LDLRAD4: variants seen among roughly 807,000 people sequenced by gnomAD.
The protein encoded by LDLRAD4 is low-density lipoprotein receptor class A domain-containing protein 4.
In LDLRAD4, 5 loss-of-function variants were observed where a neutral mutation model predicts 17.0. The ratio of observed to expected loss-of-function variants is 0.29; its 90% CI spans 0.15 to 0.62. The LOEUF (loss-of-function observed/expected upper bound fraction) is 0.62. Among genes scored for constraint, LDLRAD4 ranks in the 20% least tolerant of loss-of-function variants. LDLRAD4 has a pLI of 0.84. For missense variants in LDLRAD4, 340 were observed against 424.7 expected (o/e 0.80, Z 1.75); for synonymous variants, 168 against 171.8 (o/e 0.98, Z 0.17).
At chr18:13,462,755 C>T (rs2092475017) in intron 3 of LDLRAD4, among the ~76,000 whole-genome samples, 1 of 152,174 alleles carries the variant, frequency 6.6e-6, no homozygotes, top group South Asian at 2.1e-4. Context: ...GGAGCAGGGA[C>T]AGCAAGGATG....
At chr18:13,406,085 A>T (rs973591366) in intron 2 of LDLRAD4, among the ~76,000 whole-genome samples, 3 of 152,234 alleles carry the variant, frequency 2.0e-5, no homozygotes, top group African/African-American at 4.8e-5. Flanking sequence ...TTACTCTGTC[A>T]TCTAACAGTG....
intron 3 of LDLRAD4, among the ~76,000 whole-genome samples, chr18:13,531,444 T>A (rs2094124657): frequency 2.2e-5 from 3 of 138,032 alleles, no homozygotes; most frequent in Non-Finnish European, 1.6e-5. Context: ...ACCCCATATC[T>A]AAAAAAAAAA....
chr18:13,437,459 ATG>A (rs1253573833), intron 2 of LDLRAD4, among the ~76,000 whole-genome samples: 3 of 152,234 alleles, frequency 2.0e-5, no homozygotes, highest in African/African-American at 7.2e-5. Flanking sequence ...ATGGATAGTA[ATG>A]TGTTAAGTGT....
At chr18:13,569,331 A>G (rs1237733210) in intron 3 of LDLRAD4, among the ~76,000 whole-genome samples, 1 of 152,200 alleles carries the variant, frequency 6.6e-6, no homozygotes, top group East Asian at 1.9e-4. Flanking sequence ...CTATCTGGGG[A>G]ATAAAACACT....
Position 13,231,266 on chromosome 18 carries a change from A to G in LDLRAD4, c.-467+12278A>G, listed in dbSNP as rs147121417. Among the ~76,000 whole-genome samples, 475 of 152,304 alleles carry G rather than the reference A, an allele frequency of 3.1e-3. 4 individuals are homozygous for G. The highest frequency in any genetic ancestry group is 0.011 in the African/African-American group (459 of 41,558). ...CTGGACCGGTTTTGCTTGAGAAGAA[A>G]TGGCAGTGGACACATGGCTCGTGTG... On this transcript the variant is annotated intron_variant, in intron 1 of 5. Coordinates refer to the LDLRAD4 transcript ENST00000399848.
chr18:13,397,748 CG>C (rs2086817122), intron 2 of LDLRAD4, among the ~76,000 whole-genome samples: 1 of 152,248 alleles, frequency 6.6e-6, no homozygotes, highest in South Asian at 2.1e-4. Flanking sequence ...GGTGCTACCA[CG>C]GCGCAGCACT....
chr18:13,224,705 C>A (rs1489478234), intron 1 of LDLRAD4, among the ~76,000 whole-genome samples: 4 of 151,764 alleles, frequency 2.6e-5, no homozygotes, highest in Non-Finnish European at 4.4e-5. Flanking sequence ...TGGTCTTGAT[C>A]TCCTGACCTC....
intron 5 of LDLRAD4, chr18:13,644,843 C>G: frequency 2.4e-6 from 1 of 419,894 alleles, no homozygotes; most frequent in Non-Finnish European, 4.2e-6. Flanking sequence ...GTAGCACGCA[C>G]AGAAACTCCC....
chr18:13,390,785 G>A (rs2145296432), intron 2 of LDLRAD4, among the ~76,000 whole-genome samples: 1 of 152,368 alleles, frequency 6.6e-6, no homozygotes. Context: ...CACCTGCAGG[G>A]TGGCAGTTTT....
chr18:13,343,347 C>G (rs2144125552), intron 1 of LDLRAD4, among the ~76,000 whole-genome samples: 1 of 150,854 alleles, frequency 6.6e-6, no homozygotes, highest in African/African-American at 2.4e-5. Context: ...GTTTTTTGGC[C>G]TTGCAATAGT....
chr18:13,437,242 G>A (rs768633664), intron 2 of LDLRAD4, among the ~76,000 whole-genome samples: 17 of 152,178 alleles, frequency 1.1e-4, no homozygotes, highest in Non-Finnish European at 2.2e-4. Flanking sequence ...AGTCAGTGGC[G>A]GTGAGGAACC....
intron 2 of LDLRAD4, among the ~76,000 whole-genome samples, chr18:13,392,652 T>A (rs1328662639): frequency 6.6e-6 from 1 of 152,242 alleles, no homozygotes; most frequent in Non-Finnish European, 1.5e-5. Flanking sequence ...AAGAGGTTGC[T>A]GGCTTGAGAT....
chr18:13,587,226 T>A (rs755201574), intron 3 of LDLRAD4, among the ~76,000 whole-genome samples: 1 of 152,176 alleles, frequency 6.6e-6, no homozygotes, highest in Non-Finnish European at 1.5e-5. Flanking sequence ...TCTAACAGGT[T>A]CCCAGGTGAT....
At chr18:13,321,861 CAA>C (rs57033432) in intron 1 of LDLRAD4, among the ~76,000 whole-genome samples, 1 of 62,138 alleles carries the variant, frequency 1.6e-5, no homozygotes. Flanking sequence ...GACTCCGTCT[CAA>C]AAAAAAAAAA....
intron 3 of LDLRAD4, among the ~76,000 whole-genome samples, chr18:13,449,584 G>A (rs1423093073): frequency 3.3e-5 from 5 of 152,218 alleles, no homozygotes; most frequent in South Asian, 2.1e-4. Flanking sequence ...GTCTTCCTGC[G>A]GGCGTGCACC....
Position 13,612,201 on chromosome 18 carries a change from C to T in LDLRAD4, c.182-8916C>T, listed in dbSNP as rs1276090340. 5 of 988,262 alleles carry T rather than the reference C, an allele frequency of 5.1e-6. No individual in the cohort carries two copies. In the Admixed American group the frequency reaches 3.0e-4, roughly 59 times the overall value. The allele number at this position is 988,262 out of a possible 1,614,324, so 61.2% of individuals were successfully genotyped here. ...TTTGCCTGTTGAAAAGATTACTGAACGCAGTGTGACAAGATGAGCCGTCTA... is the reference window on the plus strand; with the variant it reads ...TTTGCCTGTTGAAAAGATTACTGAATGCAGTGTGACAAGATGAGCCGTCTA... On this transcript the variant is annotated intron_variant, in intron 3 of 5. Coordinates refer to ENST00000359446, the Ensembl canonical transcript of LDLRAD4.
At chr18:13,530,045 T>G (rs1429141519) in intron 3 of LDLRAD4, among the ~76,000 whole-genome samples, 1 of 152,308 alleles carries the variant, frequency 6.6e-6, no homozygotes, top group East Asian at 1.9e-4. Context: ...TATGTGTCCT[T>G]AGAGGCCAAG....
At chr18:13,644,863 A>C in intron 5 of LDLRAD4, 1 of 454,930 alleles carries the variant, frequency 2.2e-6, no homozygotes, top group Non-Finnish European at 3.9e-6. Flanking sequence ...CAGGAGCCCA[A>C]GCTTTCCATT....
At position 13,278,943 on chromosome 18, in the gene LDLRAD4, G is replaced by A. The variant is rs538809855; in HGVS notation, c.-383+755G>A. On this transcript the variant is annotated intron_variant, in intron 1 of 5. Transcript: ENST00000359446. ...CTGGTTGCTGTTGGCAGCAGAGGAG[G>A]CACCTGGAGAATCCAGGAGGATTTG... 1.4e-4 allele frequency among the ~76,000 whole-genome samples: 21 copies of A among 152,374 alleles called. No individual in the cohort carries two copies. In the South Asian group the frequency reaches 4.3e-3, roughly 32 times the overall value.
Sources: gnomAD v4.1 joint callset for allele counts (sites outside exome capture counted in the v4.1 genomes callset) on GRCh38, gnomAD v4.1.1 for gene constraint, MANE v1.5 for transcripts, NCBI Gene and HGNC (gene_info 2026-07-23, HGNC 2026-07-21) for gene names.